Variants in SCG5 observed in about 807,000 individuals in gnomAD.
The protein encoded by SCG5 is secretogranin V, also known as neuroendocrine protein 7B2.
A neutral mutation model predicts 25.7 loss-of-function variants in SCG5; 18 were observed. The observed-to-expected ratio is 0.70, with a 90% CI of 0.48 to 1.04. SCG5 has a LOEUF of 1.04. SCG5 is among the 50% of genes least tolerant of loss of function. SCG5 has a pLI of 0.00. For synonymous variants in SCG5, 101 were observed against 91.7 expected (o/e 1.10, Z -0.58); for missense variants, 206 against 259.8 (o/e 0.79, Z 1.42).
chr15:32,655,392 A>G (rs985707166), intron 2 of SCG5, among the ~76,000 whole-genome samples: 1 of 151,896 alleles, frequency 6.6e-6, no homozygotes, highest in African/African-American at 2.4e-5. Flanking sequence ...CTTCCGTGGG[A>G]CAGTTACCCA....
At position 32,696,648 on chromosome 15, in the gene SCG5, G is replaced by A. The variant is rs2054973206; in HGVS notation, c.*39G>A. ...GACGAAAACCCACATTACCTGTTAG[G>A]CCTCAGCATGGCTTATGTGCACGTG... On this transcript the variant is annotated 3_prime_UTR_variant, in exon 6 of 6. Coordinates refer to ENST00000300175, the MANE Select transcript of SCG5 (RefSeq NM_001144757.3). The A allele has an allele frequency of 7.7e-7, 1 of 1,305,060 alleles. No individual in the cohort carries two copies. Among genetic ancestry groups the A allele is most frequent in the South Asian group, 1.2e-5 (1 of 81,656 alleles). The allele number at this position is 1,305,060 out of a possible 1,614,324, so 80.8% of individuals were successfully genotyped here.
chr15:32,688,874 G>C (rs2054779831), intron 4 of SCG5, among the ~76,000 whole-genome samples: 1 of 150,818 alleles, frequency 6.6e-6, no homozygotes, highest in Non-Finnish European at 1.5e-5. Flanking sequence ...CAGGAGAATG[G>C]CGTGAACCCA....
At chr15:32,693,255 T>C (rs915462053) in intron 5 of SCG5, among the ~76,000 whole-genome samples, 12 of 152,230 alleles carry the variant, frequency 7.9e-5, no homozygotes, top group African/African-American at 2.7e-4. Context: ...ATGACCATGG[T>C]CACGATTTAG....
At chr15:32,672,201 G>T (rs1279394647) in intron 2 of SCG5, among the ~76,000 whole-genome samples, 1 of 152,238 alleles carries the variant, frequency 6.6e-6, no homozygotes. Context: ...GCCTGTGCCC[G>T]CTCCCTGCCA....
chr15:32,673,334 C>T (rs939083804), intron 2 of SCG5, among the ~76,000 whole-genome samples: 3 of 152,160 alleles, frequency 2.0e-5, no homozygotes, highest in African/African-American at 7.2e-5. Context: ...CCTAGGCACT[C>T]TCTCGGAGCT....
intron 2 of SCG5, among the ~76,000 whole-genome samples, chr15:32,667,371 G>A (rs1435157432): frequency 6.6e-6 from 1 of 152,232 alleles, no homozygotes; most frequent in African/African-American, 2.4e-5. Context: ...ATGAATTTGA[G>A]TTATGTGTGC....
chr15:32,660,856 G>C (rs1451734473), intron 2 of SCG5, among the ~76,000 whole-genome samples: 1 of 152,206 alleles, frequency 6.6e-6, no homozygotes, highest in Non-Finnish European at 1.5e-5. Context: ...TGATATTAAA[G>C]CTCTAGTATC....
chr15:32,696,537 A>G lies in SCG5; in HGVS notation c.567A>G (p.Gly189=). The change falls in exon 6 of 6, where the codon GGA becomes GGG. Residue 189 remains glycine, a synonymous_variant. Coordinates refer to ENST00000300175, the MANE Select transcript of SCG5 (RefSeq NM_001144757.3). ...KRRSVNPYLQ[G]QRLDNVVAKK... ...AGAGTGTCAATCCATATCTACAAGG[A>G]CAGAGACTGGATAATGTTGTTGCAA... The G allele has an allele frequency of 1.9e-6, 3 of 1,612,660 alleles. No homozygotes were observed. The highest frequency in any genetic ancestry group is 2.5e-6 in the Non-Finnish European group (3 of 1,179,202).
intron 5 of SCG5, chr15:32,692,237 T>A (rs2054871938): frequency 1.0e-6 from 1 of 990,738 alleles, no homozygotes; most frequent in South Asian, 4.7e-5. Context: ...ATGAACAAAC[T>A]TAATTTCTCC....
chr15:32,685,845 C>G (rs971810650), intron 4 of SCG5, among the ~76,000 whole-genome samples: 2 of 152,196 alleles, frequency 1.3e-5, no homozygotes, highest in African/African-American at 4.8e-5. Flanking sequence ...AGCAAATATT[C>G]CAACTCCCTC....
intron 2 of SCG5, among the ~76,000 whole-genome samples, chr15:32,677,975 TTGG>T (rs1399450507): frequency 6.6e-6 from 1 of 152,204 alleles, no homozygotes; most frequent in African/African-American, 2.4e-5. Context: ...ACTTAAGTAT[TTGG>T]TAGAGACATG....
intron 2 of SCG5, among the ~76,000 whole-genome samples, chr15:32,664,018 A>G (rs780482093): frequency 8.5e-5 from 13 of 152,162 alleles, no homozygotes; most frequent in African/African-American, 1.7e-4. Flanking sequence ...TAAGAAGAGC[A>G]CTGAATTTGA....
chr15:32,651,858 CAGAAGGCACTT>C (rs2054035647), intron 2 of SCG5, among the ~76,000 whole-genome samples: 1 of 152,138 alleles, frequency 6.6e-6, no homozygotes, highest in Non-Finnish European at 1.5e-5. Context: ...CCTGGGTATC[CAGAAGGCACTT>C]AGATGTATAT....
At chr15:32,648,077 T>G (rs2053972584) in intron 2 of SCG5, among the ~76,000 whole-genome samples, 1 of 152,212 alleles carries the variant, frequency 6.6e-6, no homozygotes, top group African/African-American at 2.4e-5. Flanking sequence ...TCGATCCTGA[T>G]TTCTCAAACC....
At chr15:32,661,810 T>C (rs1226949240) in intron 2 of SCG5, among the ~76,000 whole-genome samples, 1 of 152,160 alleles carries the variant, frequency 6.6e-6, no homozygotes, top group Non-Finnish European at 1.5e-5. Context: ...TATTTTTTCT[T>C]ATGAAGATAA....
At chr15:32,688,464 C>T (rs530027980) in intron 4 of SCG5, among the ~76,000 whole-genome samples, 1 of 152,282 alleles carries the variant, frequency 6.6e-6, no homozygotes, top group African/African-American at 2.4e-5. Flanking sequence ...CATTCCTGAC[C>T]TTAACATGTT....
At chr15:32,680,253 T>G (rs1249480004) in intron 3 of SCG5, among the ~76,000 whole-genome samples, 2 of 147,330 alleles carry the variant, frequency 1.4e-5, no homozygotes, top group African/African-American at 5.0e-5. Flanking sequence ...TGGAGTGCAG[T>G]GGTGTGATCT....
chr15:32,646,410 C>G lies in SCG5; in HGVS notation c.226+2592C>G, dbSNP rs73371016. 4.1e-3 allele frequency among the ~76,000 whole-genome samples: 630 copies of G among 152,294 alleles called. 5 individuals carry two copies. Among genetic ancestry groups the G allele is most frequent in the African/African-American group, 0.014 (602 of 41,548 alleles). ...GACTGAGTTCCCTTTCTCTTGCTGGCTGTCAGCCAACCAAAGCCCCTCTCA... is the reference window on the plus strand; with the variant it reads ...GACTGAGTTCCCTTTCTCTTGCTGGGTGTCAGCCAACCAAAGCCCCTCTCA... On this transcript the variant is annotated intron_variant, in intron 2 of 5. Coordinates refer to ENST00000300175, the MANE Select transcript of SCG5 (RefSeq NM_001144757.3).
intron 5 of SCG5, among the ~76,000 whole-genome samples, chr15:32,693,265 G>A (rs906580931): frequency 2.0e-5 from 3 of 152,172 alleles, no homozygotes; most frequent in Non-Finnish European, 2.9e-5. Flanking sequence ...TCACGATTTA[G>A]GTCATTTTTC....
Sources: allele counts gnomAD v4.1 joint callset (sites outside exome capture counted in the v4.1 genomes callset), GRCh38; gene constraint gnomAD v4.1.1; transcripts MANE v1.5; gene names NCBI Gene and HGNC (gene_info 2026-07-23, HGNC 2026-07-21).